Variants in CSMD3 observed in about 807,000 individuals in gnomAD.
CSMD3 encodes the protein CUB and Sushi multiple domains 3, also known as CUB and sushi domain-containing protein 3.
CSMD3 carries 177 observed loss-of-function variants against 435.2 expected under a neutral mutation model. That is an observed-to-expected ratio of 0.41 (90% CI 0.36 to 0.46). The LOEUF is 0.46. CSMD3 is among the 20% of genes least tolerant of loss of function. CSMD3 has a pLI of 0.34. For missense variants in CSMD3, 4,265 were observed against 4,504.6 expected, an observed-to-expected ratio of 0.95 and a Z score of 1.52; for synonymous variants, 1,656 against 1,520.5, an observed-to-expected ratio of 1.09 and a Z score of -2.07.
intron 27 of CSMD3, among the ~76,000 whole-genome samples, chr8:112,543,109 T>G (rs1198019020): frequency 6.6e-6 from 1 of 152,004 alleles, no homozygotes; most frequent in Admixed American, 6.6e-5. Flanking sequence ...CAAAATGGAT[T>G]AAAAGCTTAA....
intron 61 of CSMD3, among the ~76,000 whole-genome samples, chr8:112,261,526 G>C: frequency 6.6e-6 from 1 of 151,856 alleles, no homozygotes; most frequent in East Asian, 1.9e-4. Flanking sequence ...GTATGCATGT[G>C]TGTGTGTGTG....
intron 4 of CSMD3, among the ~76,000 whole-genome samples, chr8:113,156,118 A>G (rs1269896094): frequency 1.3e-5 from 2 of 152,088 alleles, no homozygotes; most frequent in African/African-American, 4.8e-5. Context: ...CTGCCTAAAT[A>G]TGGCTTAGAA....
chr8:112,824,839 G>C (rs2079631416), intron 12 of CSMD3, among the ~76,000 whole-genome samples: 1 of 152,112 alleles, frequency 6.6e-6, no homozygotes, highest in African/African-American at 2.4e-5. Context: ...TCCTGAATCT[G>C]AATGTTGGGC....
At chr8:112,790,161 A>C (rs1294129775) in intron 13 of CSMD3, among the ~76,000 whole-genome samples, 1 of 151,966 alleles carries the variant, frequency 6.6e-6, no homozygotes, top group African/African-American at 2.4e-5. Flanking sequence ...TATATGTGCT[A>C]ACTAGACAAA....
intron 23 of CSMD3, among the ~76,000 whole-genome samples, chr8:112,576,890 AT>A (rs1163931585): frequency 1.3e-5 from 2 of 151,372 alleles, no homozygotes; most frequent in African/African-American, 4.9e-5. Context: ...CATTAAAAAA[AT>A]AATCATTTAA....
At chr8:112,260,673 T>G (rs1412516752) in intron 61 of CSMD3, among the ~76,000 whole-genome samples, 2 of 151,990 alleles carry the variant, frequency 1.3e-5, no homozygotes, top group Non-Finnish European at 2.9e-5. Flanking sequence ...AGACCTGGAG[T>G]ATCTAGTACT....
chr8:112,999,998 G>A (rs902807826), intron 6 of CSMD3, among the ~76,000 whole-genome samples: 2 of 151,944 alleles, frequency 1.3e-5, no homozygotes, highest in Non-Finnish European at 2.9e-5. Flanking sequence ...GACATGAGCT[G>A]GAGATATGAT....
chr8:112,879,728 G>T (rs1157394001), intron 10 of CSMD3, among the ~76,000 whole-genome samples: 5 of 152,136 alleles, frequency 3.3e-5, no homozygotes, highest in African/African-American at 9.6e-5. Flanking sequence ...AAATAGAAAA[G>T]AATCTACATT....
At chr8:113,031,158 G>T (rs961453458) in intron 5 of CSMD3, among the ~76,000 whole-genome samples, 24 of 151,602 alleles carry the variant, frequency 1.6e-4, no homozygotes, top group Admixed American at 3.9e-4. Flanking sequence ...TTATCCCAGA[G>T]AAATGAAAGC....
At chr8:112,634,406 C>G (rs2074599966) in intron 22 of CSMD3, among the ~76,000 whole-genome samples, 1 of 151,974 alleles carries the variant, frequency 6.6e-6, no homozygotes, top group African/African-American at 2.4e-5. Flanking sequence ...AGGAATATTT[C>G]TCCCCATCCT....
At chr8:112,772,501 C>T (rs926719133) in intron 13 of CSMD3, among the ~76,000 whole-genome samples, 3 of 152,074 alleles carry the variant, frequency 2.0e-5, no homozygotes, top group Non-Finnish European at 4.4e-5. Flanking sequence ...CTAGGAAAGC[C>T]AGGTATTGTC....
intron 38 of CSMD3, among the ~76,000 whole-genome samples, chr8:112,378,940 A>G (rs944981222): frequency 4.6e-5 from 7 of 152,164 alleles, no homozygotes; most frequent in Admixed American, 4.6e-4. Flanking sequence ...ATTATTATGT[A>G]TCAGTAATGT....
chr8:113,379,480 C>T (rs1220435744), intron 1 of CSMD3, among the ~76,000 whole-genome samples: 1 of 152,136 alleles, frequency 6.6e-6, no homozygotes, highest in Non-Finnish European at 1.5e-5. Flanking sequence ...ACAGTGGAGG[C>T]AGACCATGAA....
At chr8:112,439,097 C>T (rs1017234408) in intron 32 of CSMD3, among the ~76,000 whole-genome samples, 9 of 152,102 alleles carry the variant, frequency 5.9e-5, no homozygotes, top group Non-Finnish European at 8.8e-5. Flanking sequence ...AGATTCTGTA[C>T]CTGTAAGCAC....
chr8:113,420,886 G>C (rs2094605900), intron 1 of CSMD3, among the ~76,000 whole-genome samples: 1 of 151,750 alleles, frequency 6.6e-6, no homozygotes. Flanking sequence ...GCAGGCGGAG[G>C]TTGTAGTAGC....
intron 6 of CSMD3, among the ~76,000 whole-genome samples, chr8:112,983,115 GT>G (rs1290325989): frequency 6.6e-6 from 1 of 151,808 alleles, no homozygotes; most frequent in African/African-American, 2.4e-5. Flanking sequence ...GATAGTATTT[GT>G]TTATTTTGAA....
At chr8:112,660,799 G>A (rs541903766) in intron 17 of CSMD3, among the ~76,000 whole-genome samples, 2 of 152,176 alleles carry the variant, frequency 1.3e-5, no homozygotes, top group South Asian at 2.1e-4. Context: ...AATTCTTAAA[G>A]CATTGTAACT....
intron 35 of CSMD3, among the ~76,000 whole-genome samples, chr8:112,399,741 A>C (rs1831161177): frequency 6.6e-6 from 1 of 152,184 alleles, no homozygotes; most frequent in African/African-American, 2.4e-5. Flanking sequence ...AAAGTGGCAT[A>C]ATCTTTGCCA....
At chr8:112,872,733 CTTAT>C (rs2081171785) in intron 10 of CSMD3, among the ~76,000 whole-genome samples, 2 of 152,048 alleles carry the variant, frequency 1.3e-5, no homozygotes, top group African/African-American at 2.4e-5. Context: ...ATGTGAATTA[CTTAT>C]TTATTATGCT....
Sources: allele counts gnomAD v4.1 joint callset (sites outside exome capture counted in the v4.1 genomes callset), GRCh38; gene constraint gnomAD v4.1.1; transcripts MANE v1.5; gene names NCBI Gene and HGNC (gene_info 2026-07-23, HGNC 2026-07-21).